Variants in PCDHGA9 observed in about 807,000 individuals in gnomAD.
PCDHGA9 encodes the protein protocadherin gamma subfamily A, 9.
In PCDHGA9, 37 loss-of-function variants were observed where a neutral mutation model predicts 62.5. The observed-to-expected ratio is 0.59, with a 90% CI of 0.46 to 0.78. The LOEUF (loss-of-function observed/expected upper bound fraction) is 0.78. PCDHGA9 is among the 30% of genes least tolerant of loss of function. PCDHGA9 has a pLI of 0.00. For missense variants in PCDHGA9, 1,138 were observed against 1,166.2 expected, an observed-to-expected ratio of 0.98 and a Z score of 0.35; for synonymous variants, 459 against 484.6, an observed-to-expected ratio of 0.95 and a Z score of 0.69.
At chr5:141,430,149 C>T (rs1051033560) in intron 1 of PCDHGA9, among the ~76,000 whole-genome samples, 4 of 151,968 alleles carry the variant, frequency 2.6e-5, no homozygotes, top group African/African-American at 9.7e-5. Flanking sequence ...CAGGATCATT[C>T]AAGGAATCTA....
In PCDHGA9 at chr5:141,512,022, C is replaced by T. The variant is rs2154594692; in HGVS notation, c.*849C>T. The T allele has an allele frequency of 6.5e-6, 1 of 152,990 alleles. No individual in the cohort carries two copies. The highest frequency in any genetic ancestry group is 1.9e-4 in the East Asian group (1 of 5,186). The allele number at this position is 152,990 out of a possible 1,614,324, so 9.5% of individuals were successfully genotyped here. A position where few individuals can be genotyped will look rare whatever the true frequency, so the allele number is the denominator to read the frequency against. The stretch of plus-strand genomic sequence containing the variant: ...AGCTTGACACATCAAGTTATCAAGG[C>T]CTTGGAGGAGGCTCTGTATGTCCTC... On this transcript the variant is annotated 3_prime_UTR_variant, in exon 4 of 4. Transcript: ENST00000573521.
chr5:141,485,174 A>G lies in PCDHGA9; in HGVS notation c.2425-9633A>G. 6.2e-7 allele frequency: 1 copy of G among 1,611,406 alleles called. No individual in the cohort carries two copies. The highest frequency in any genetic ancestry group is 8.5e-7 in the Non-Finnish European group (1 of 1,177,898). ...AGTAGAGAATTAGCGGGCGGCAGCA[A>G]TGCTCCGCAAGGTGAGAAGCTGGAC... On this transcript the variant is annotated intron_variant, in intron 1 of 3. Coordinates refer to ENST00000573521, the MANE Select transcript of PCDHGA9 (RefSeq NM_018921.3). The surrounding 1 kb of genome is among the most constrained non-coding windows in gnomAD (Gnocchi z 5.7).
chr5:141,491,434 A>T lies in PCDHGA9; in HGVS notation c.2425-3373A>T. 6.2e-7 allele frequency: 1 copy of T among 1,614,032 alleles called. No homozygotes were observed. Among genetic ancestry groups the T allele is most frequent in the Non-Finnish European group, 8.5e-7 (1 of 1,179,988 alleles). On this transcript the variant is annotated intron_variant, in intron 1 of 3. Transcript: ENST00000573521. The surrounding 1 kb of genome is among the most constrained non-coding windows in gnomAD (Gnocchi z 6.9). ...GGACGGGGGTGGAGGGCAGTGCTGC[A>T]GGCGCCAGGACTCACCCTCCCCGGA...
Position 141,511,403 on chromosome 5 carries a change from AC to A in PCDHGA9, c.*231del. ...TCCGCTGGGAACCCCCATCCAATCA[AC>A]TGCTGTACCCATGGGGGTAGTGGGG... is the stretch of plus-strand genomic sequence containing the variant. On this transcript the variant is annotated 3_prime_UTR_variant, in exon 4 of 4. Coordinates refer to ENST00000573521, the MANE Select transcript of PCDHGA9 (RefSeq NM_018921.3). 1.1e-6 allele frequency: 1 copy of A among 939,022 alleles called. No homozygotes were observed. The highest frequency in any genetic ancestry group is 1.5e-6 in the Non-Finnish European group (1 of 650,838). The allele number at this position is 939,022 out of a possible 1,614,324, so 58.2% of individuals were successfully genotyped here. A position where few individuals can be genotyped will look rare whatever the true frequency, so the allele number is the denominator to read the frequency against.
Position 141,409,090 on chromosome 5 carries a change from G to C in PCDHGA9, c.2424+3714G>C, listed in dbSNP as rs181368417. 9.9e-5 allele frequency: 159 copies of C among 1,614,024 alleles called. No individual in the cohort carries two copies. The African/African-American group carries it at 1.9e-3, about 19-fold the overall frequency. On this transcript the variant is annotated intron_variant, in intron 1 of 3. Transcript: ENST00000573521. ...CAAAACATATGTTCTCATTGGATGA[G>C]AAAACAGGTATGATTAAGAATAACC...
chr5:141,407,089 TTTTA>T (rs2094885755), intron 1 of PCDHGA9, among the ~76,000 whole-genome samples: 2 of 152,196 alleles, frequency 1.3e-5, no homozygotes, highest in South Asian at 4.1e-4. Flanking sequence ...TGAAGAATTG[TTTTA>T]TTTGTTTGTA....
At chr5:141,419,204 GC>G (rs2096344015) in intron 1 of PCDHGA9, 9 of 1,613,916 alleles carry the variant, frequency 5.6e-6, no homozygotes, top group Non-Finnish European at 7.6e-6. Context: ...CAATGACAAC[GC>G]GCCGGTTTTC....
intron 1 of PCDHGA9, among the ~76,000 whole-genome samples, chr5:141,463,541 C>T (rs1423301726): frequency 2.7e-5 from 4 of 150,402 alleles, no homozygotes; most frequent in East Asian, 2.0e-4. Flanking sequence ...CTCCGGCTCC[C>T]GGGTTCATGC....
At position 141,485,681 on chromosome 5, in the gene PCDHGA9, T is replaced by A; in HGVS notation, c.2425-9126T>A. The A allele has an allele frequency of 6.2e-7, 1 of 1,614,074 alleles. No homozygotes were observed. The highest frequency in any genetic ancestry group is 8.5e-7 in the Non-Finnish European group (1 of 1,179,966). ...TGTGGGGAGCAATTCGATTAGCAGC[T>A]ATAGGCTGAGCTCCAATGAACACTT... On this transcript the variant is annotated intron_variant, in intron 1 of 3. Transcript: ENST00000573521. The surrounding 1 kb of genome is among the most constrained non-coding windows in gnomAD (Gnocchi z 5.7).
At chr5:141,445,188 GTATTCTA>G (rs1223900471) in intron 1 of PCDHGA9, among the ~76,000 whole-genome samples, 1 of 152,080 alleles carries the variant, frequency 6.6e-6, no homozygotes, top group Non-Finnish European at 1.5e-5. Context: ...ATGTTTTTAT[GTATTCTA>G]TATGCTTTTG....
chr5:141,500,184 T>TTTTA (rs58019021), intron 2 of PCDHGA9, among the ~76,000 whole-genome samples: 28,743 of 135,782 alleles, frequency 0.21, 3,285 homozygotes, highest in African/African-American at 0.3. Context: ...TCATTTTTAT[T>TTTTA]TTTATTTATT....
At chr5:141,407,370 A>G (rs1434825695) in intron 1 of PCDHGA9, among the ~76,000 whole-genome samples, 2 of 152,228 alleles carry the variant, frequency 1.3e-5, no homozygotes, top group Non-Finnish European at 2.9e-5. Flanking sequence ...ACAGATATCC[A>G]TGAAGGCTTG....
At chr5:141,475,895 C>A (rs2099379056) in intron 1 of PCDHGA9, 1 of 568,558 alleles carries the variant, frequency 1.8e-6, no homozygotes, top group African/African-American at 1.9e-5. Context: ...ACTCTGTGTG[C>A]CGCTGTCGGC....
At chr5:141,484,921 T>A in intron 1 of PCDHGA9, 1 of 478,304 alleles carries the variant, frequency 2.1e-6, no homozygotes, top group South Asian at 2.8e-5. Flanking sequence ...TTAACCCTGC[T>A]GCTGTTGGGA....
intron 1 of PCDHGA9, among the ~76,000 whole-genome samples, chr5:141,442,789 T>C (rs2098343347): frequency 6.6e-6 from 1 of 152,196 alleles, no homozygotes; most frequent in African/African-American, 2.4e-5. Flanking sequence ...ATTTTATAAT[T>C]TTACTTTGAT....
chr5:141,502,634 T>C (rs1306951640), intron 2 of PCDHGA9, among the ~76,000 whole-genome samples: 1 of 152,228 alleles, frequency 6.6e-6, no homozygotes. Flanking sequence ...CTGTGGATGA[T>C]ACTTTGAGAT....
chr5:141,410,437 G>C, intron 1 of PCDHGA9: 1 of 1,614,040 alleles, frequency 6.2e-7, no homozygotes, highest in Non-Finnish European at 8.5e-7. Context: ...ACTACAGTGA[G>C]GGGACTTTGC....
chr5:141,451,314 G>A (rs1286009420), intron 1 of PCDHGA9, among the ~76,000 whole-genome samples: 1 of 152,218 alleles, frequency 6.6e-6, no homozygotes, highest in Non-Finnish European at 1.5e-5. Context: ...AGCAATTAAA[G>A]TGTCACCTAA....
chr5:141,421,380 G>A, intron 1 of PCDHGA9: 1 of 1,614,064 alleles, frequency 6.2e-7, no homozygotes, highest in Non-Finnish European at 8.5e-7. Context: ...ATATCTCCAA[G>A]GACCTGGGGC....
Sources: gnomAD v4.1 joint callset for allele counts (sites outside exome capture counted in the v4.1 genomes callset) on GRCh38, gnomAD v4.1.1 for gene constraint, Gnocchi (gnomAD v3.1) non-coding constraint, MANE v1.5 for transcripts, NCBI Gene and HGNC (gene_info 2026-07-23, HGNC 2026-07-21) for gene names.